Variants in SRCIN1 observed in about 807,000 individuals in gnomAD.
SRCIN1 encodes SRC kinase signaling inhibitor 1, also known as P130Cas-associated protein.
SRCIN1 carries 50 observed loss-of-function variants against 116.2 expected under a neutral mutation model. The observed-to-expected ratio is 0.43, with a 90% CI of 0.34 to 0.54. SRCIN1 has a LOEUF of 0.54. Among genes scored for constraint, SRCIN1 ranks in the 20% least tolerant of loss-of-function variants. The pLI is 0.02. For missense variants in SRCIN1, 1,446 were observed against 1,672.0 expected, an observed-to-expected ratio of 0.86 and a Z score of 2.36; for synonymous variants, 736 against 750.0, an observed-to-expected ratio of 0.98 and a Z score of 0.30.
At position 38,540,740 on chromosome 17, in the gene SRCIN1, GGTGTGT is replaced by G. The variant is rs151164930; in HGVS notation, c.3417+3077_3417+3082del. 1.0e-3 allele frequency among the ~76,000 whole-genome samples: 151 copies of G among 146,822 alleles called. No individual in the cohort carries two copies. The East Asian group carries it at 0.015, about 15-fold the overall frequency. On this transcript the variant is annotated intron_variant, in intron 18 of 18. Coordinates refer to ENST00000617146, the MANE Select transcript of SRCIN1 (RefSeq NM_025248.3). ...GGGGCAGGGATTTTAAGCTGGCAGG[GGTGTGT>G]GTGTGTGTGTGTGTGTGTGTGTGTG...
chr17:38,606,042 C>T (rs1174467461), upstream of SRCIN1: 4 of 133,682 alleles, frequency 3.0e-5, no homozygotes, highest in African/African-American at 5.5e-5. The surrounding 1 kb of genome is among the most constrained non-coding windows in gnomAD (Gnocchi z 5.2). Flanking sequence ...TACAAAGGGC[C>T]GCCCGGGGCG....
rs1025863155 is a variant in SRCIN1, at chr17:38,535,343, G to A, written c.3418-1912C>T. ...CCTGCCTCAGCCTCCCGAGTAGCTG[G>A]AATTACAGGCATGCGCCACCACGCC... is the stretch of plus-strand genomic sequence containing the variant. On this transcript the variant is annotated intron_variant, in intron 18 of 18. Coordinates refer to ENST00000617146, the MANE Select transcript of SRCIN1 (RefSeq NM_025248.3). 2.6e-5 allele frequency among the ~76,000 whole-genome samples: 4 copies of A among 151,802 alleles called. No homozygotes were observed. In the South Asian group the frequency reaches 8.3e-4, roughly 32 times the overall value.
chr17:38,563,570 G>T lies in SRCIN1; in HGVS notation c.542-49C>A, dbSNP rs998584522. ...CTGTCACTGCTGCCGTCTCCACGCC[G>T]CCCTCCAGGAGAGCGCGGGGAGCTT... On this transcript the variant is annotated intron_variant, in intron 4 of 18. Transcript: ENST00000617146. This position sits in a 1 kb window ranked among gnomAD's most constrained non-coding sequence, Gnocchi z 5.8. 6 of 1,537,682 alleles carry T rather than the reference G, an allele frequency of 3.9e-6. No homozygotes were observed. The highest frequency in any genetic ancestry group is 3.9e-5 in the Admixed American group (2 of 50,974).
chr17:38,534,357 G>A (rs1057054856), intron 18 of SRCIN1, among the ~76,000 whole-genome samples: 4 of 152,204 alleles, frequency 2.6e-5, no homozygotes, highest in Non-Finnish European at 5.9e-5. Context: ...GCTCATGAAT[G>A]TGCATTTTAA....
chr17:38,556,422 G>C (rs1022853022), intron 11 of SRCIN1, among the ~76,000 whole-genome samples: 1 of 152,244 alleles, frequency 6.6e-6, no homozygotes, highest in East Asian at 1.9e-4. Flanking sequence ...TGCTGGGCTA[G>C]ATGGGCAGGT....
chr17:38,567,239 A>G (rs981857393), intron 3 of SRCIN1, among the ~76,000 whole-genome samples: 10 of 152,220 alleles, frequency 6.6e-5, no homozygotes. Flanking sequence ...TCTATGATGC[A>G]GACATTGTCG....
At position 38,562,084 on chromosome 17, in the gene SRCIN1, C is replaced by A; in HGVS notation, c.1079G>T (p.Gly360Val). The change falls in exon 7 of 19, where the codon GGC (glycine) becomes GTC (valine). Residue 360 changes from glycine to valine, a missense_variant. Gly to Val is a moderately radical substitution (Grantham distance 109). Around this residue, in one of 5 missense-constraint regions of SRCIN1, gnomAD observed 239 missense variants for 317.7 expected, o/e 0.75. Coordinates refer to ENST00000617146, the MANE Select transcript of SRCIN1 (RefSeq NM_025248.3). The surrounding 1 kb of genome is among the most constrained non-coding windows in gnomAD (Gnocchi z 4.2). Reference protein sequence around the residue: ...ERLGGAPAAQGVSPSPSAILE... With the variant: ...ERLGGAPAAQVVSPSPSAILE... ...GATGGCGCTGGGGCTGGGGCTGACG[C>A]CCTGGGCGGCCGGGGCGCCTCCCAG... 1 of 1,448,512 alleles carries A rather than the reference C, an allele frequency of 6.9e-7. No homozygotes were observed. The highest frequency in any genetic ancestry group is 9.0e-7 in the Non-Finnish European group (1 of 1,107,148). 89.7% of individuals were successfully genotyped at this position (1,448,512 alleles called of 1,614,324 possible).
chr17:38,596,404 G>A (rs1442706536), intron 1 of SRCIN1, among the ~76,000 whole-genome samples: 1 of 152,116 alleles, frequency 6.6e-6, no homozygotes, highest in East Asian at 1.9e-4. Context: ...ACACTGGTGG[G>A]AGACAGACAG....
At chr17:38,539,097 G>A (rs1347326656) in intron 18 of SRCIN1, among the ~76,000 whole-genome samples, 5 of 152,138 alleles carry the variant, frequency 3.3e-5, no homozygotes, top group East Asian at 3.8e-4. Context: ...AAACTCATTC[G>A]CTCATTCACT....
At chr17:38,555,120 C>G (rs1214729282) in intron 11 of SRCIN1, among the ~76,000 whole-genome samples, 1 of 152,228 alleles carries the variant, frequency 6.6e-6, no homozygotes, top group African/African-American at 2.4e-5. Flanking sequence ...CTTTAATTAA[C>G]CCTCAAAACA....
Position 38,589,459 on chromosome 17 carries a change from C to T in SRCIN1, c.23-10668G>A, listed in dbSNP as rs570767702. On this transcript the variant is annotated intron_variant, in intron 1 of 18. Transcript: ENST00000617146. ...GCCCATCCTGAGTCCCTCATGGAGG[C>T]GACATCTTCAGCTCCTTTTCCACTT... is the stretch of plus-strand genomic sequence containing the variant. Among the ~76,000 whole-genome samples the T allele has an allele frequency of 3.3e-5, 5 of 152,294 alleles. No homozygotes were observed. The East Asian group carries it at 5.8e-4, about 18-fold the overall frequency.
chr17:38,556,377 C>T (rs1300275976), intron 11 of SRCIN1, among the ~76,000 whole-genome samples: 2 of 151,720 alleles, frequency 1.3e-5, no homozygotes, highest in Admixed American at 6.5e-5. Context: ...TCAGCAGAGG[C>T]TGCACCTAAA....
At chr17:38,565,368 T>C (rs73304429) in intron 3 of SRCIN1, among the ~76,000 whole-genome samples, 16,749 of 152,262 alleles carry the variant, frequency 0.11, 1,073 homozygotes, top group South Asian at 0.18. Context: ...ATGTATTACA[T>C]ATACATATAC....
chr17:38,557,683 G>T (rs1905895035), intron 11 of SRCIN1, among the ~76,000 whole-genome samples: 1 of 152,218 alleles, frequency 6.6e-6, no homozygotes, highest in South Asian at 2.1e-4. Context: ...CAGTGTTCGC[G>T]ATTCCTCCTT....
rs1375477976 is a variant in SRCIN1, at chr17:38,533,201, G to A, written c.*96C>T. ...CAGGGCACACCCCTCAGGGCGTCTG[G>A]AGAGTAGGGTGGGGTGGGGTGGAGA... On this transcript the variant is annotated 3_prime_UTR_variant, in exon 19 of 19. Coordinates refer to ENST00000617146, the MANE Select transcript of SRCIN1 (RefSeq NM_025248.3). 4 of 1,458,108 alleles carry A rather than the reference G, an allele frequency of 2.7e-6. No individual in the cohort carries two copies. The highest frequency in any genetic ancestry group is 3.6e-6 in the Non-Finnish European group (4 of 1,103,722). 90.3% of individuals were successfully genotyped at this position (1,458,108 alleles called of 1,614,324 possible). A position where few individuals can be genotyped will look rare whatever the true frequency, so the allele number is the denominator to read the frequency against.
intron 3 of SRCIN1, among the ~76,000 whole-genome samples, chr17:38,566,077 T>C (rs1486067470): frequency 6.6e-6 from 1 of 152,090 alleles, no homozygotes; most frequent in Non-Finnish European, 1.5e-5. Flanking sequence ...GGTCAGTGGT[T>C]GCCAGGCTAG....
At chr17:38,580,602 G>A (rs544117431) in intron 1 of SRCIN1, among the ~76,000 whole-genome samples, 6 of 152,238 alleles carry the variant, frequency 3.9e-5, no homozygotes, top group East Asian at 1.9e-4. Context: ...TATTTATTAC[G>A]TTTGTGCCAC....
chr17:38,599,777 AGCCCAGTGCATGCGTGGG>A (rs2143457155), intron 1 of SRCIN1, among the ~76,000 whole-genome samples: 1 of 152,290 alleles, frequency 6.6e-6, no homozygotes, highest in African/African-American at 2.4e-5. Context: ...GCTGGGCCCA[AGCCCAGTGCATGCGTGGG>A]GCCCGAAGGG....
intron 1 of SRCIN1, among the ~76,000 whole-genome samples, chr17:38,601,589 T>A (rs963169858): frequency 6.4e-4 from 98 of 151,976 alleles, no homozygotes; most frequent in Admixed American, 1.2e-3. Context: ...GCAAGGTGCC[T>A]GCTGTGGTGT....
Sources: gnomAD v4.1 joint callset for allele counts (sites outside exome capture counted in the v4.1 genomes callset) on GRCh38, gnomAD v4.1.1 for gene constraint, gnomAD v4.1.1 regional missense constraint, Gnocchi (gnomAD v3.1) non-coding constraint, MANE v1.5 for transcripts, NCBI Gene and HGNC (gene_info 2026-07-23, HGNC 2026-07-21) for gene names.